ZC3H12B: variants seen among roughly 807,000 people sequenced by gnomAD.
ZC3H12B encodes probable ribonuclease ZC3H12B.
A neutral mutation model predicts 43.9 loss-of-function variants in ZC3H12B; 7 were observed. The observed-to-expected ratio is 0.16, with a 90% CI of 0.09 to 0.30. The LOEUF (loss-of-function observed/expected upper bound fraction) is 0.30, where lower values mean the gene tolerates loss of function less well. Among genes scored for constraint, ZC3H12B ranks in the 10% least tolerant of loss-of-function variants. The pLI is 1.00. For missense variants in ZC3H12B, 475 were observed against 670.2 expected, an observed-to-expected ratio of 0.71 and a Z score of 3.22; for synonymous variants, 222 against 241.7, an observed-to-expected ratio of 0.92 and a Z score of 0.76.
chrX:65,480,276 T>C (rs1285188092), intron 3 of ZC3H12B, among the ~76,000 whole-genome samples: 1 of 112,476 alleles, frequency 8.9e-6, no homozygotes. Flanking sequence ...TTACAGTACA[T>C]TGTTTTCACT....
At chrX:65,368,223 C>T (rs748181223) in intron 1 of ZC3H12B, among the ~76,000 whole-genome samples, 18 of 111,598 alleles carry the variant, frequency 1.6e-4, no homozygotes, top group Non-Finnish European at 3.0e-4. Flanking sequence ...AGTTTGTAAA[C>T]TGCAAATGTC....
At chrX:65,293,023 C>G in the ZC3H12B span, among the ~76,000 whole-genome samples, 1 of 112,042 alleles carries the variant, frequency 8.9e-6, no homozygotes, top group Non-Finnish European at 1.9e-5. Flanking sequence ...AAACATCATT[C>G]AAATACTTTG....
At chrX:65,329,688 A>G in the ZC3H12B span, among the ~76,000 whole-genome samples, 1 of 104,902 alleles carries the variant, frequency 9.5e-6, no homozygotes, top group Admixed American at 1.0e-4. Flanking sequence ...TTAAGGTCTA[A>G]CATTTAAGTC....
chrX:65,296,313 G>A, the ZC3H12B span, among the ~76,000 whole-genome samples: 3 of 110,987 alleles, frequency 2.7e-5, no homozygotes, highest in African/African-American at 9.8e-5. Flanking sequence ...CTATGAGGAA[G>A]CAAAGACATA....
the ZC3H12B span, among the ~76,000 whole-genome samples, chrX:65,111,004 G>A: frequency 2.7e-5 from 3 of 110,861 alleles, no homozygotes; most frequent in African/African-American, 6.5e-5. Context: ...ATTATAAATG[G>A]TATTGTATTT....
At chrX:65,119,112 G>A in the ZC3H12B span, among the ~76,000 whole-genome samples, 5 of 111,135 alleles carry the variant, frequency 4.5e-5, no homozygotes, top group Admixed American at 9.6e-5. Context: ...GTAAACATAC[G>A]TGTGCATGTG....
the ZC3H12B span, among the ~76,000 whole-genome samples, chrX:65,235,133 T>G: frequency 8.9e-6 from 1 of 111,965 alleles, no homozygotes; most frequent in Non-Finnish European, 1.9e-5. Flanking sequence ...TTTGTTTTTG[T>G]GAATAGTGCT....
At chrX:65,195,878 C>T in the ZC3H12B span, among the ~76,000 whole-genome samples, 1 of 112,184 alleles carries the variant, frequency 8.9e-6, no homozygotes, top group South Asian at 3.7e-4. Flanking sequence ...TTGCTTTAGG[C>T]CTGGAACCTG....
intron 3 of ZC3H12B, among the ~76,000 whole-genome samples, chrX:65,461,894 AT>A (rs1172888889): frequency 9.0e-6 from 1 of 110,788 alleles, no homozygotes; most frequent in Non-Finnish European, 1.9e-5. Flanking sequence ...ATAATTCAGG[AT>A]TTTAAAAAAA....
At chrX:65,256,787 G>A in the ZC3H12B span, among the ~76,000 whole-genome samples, 2 of 111,610 alleles carry the variant, frequency 1.8e-5, no homozygotes, top group East Asian at 2.8e-4. Context: ...TAGACTGCCA[G>A]CAAGGATATG....
chrX:65,229,879 G>T, the ZC3H12B span, among the ~76,000 whole-genome samples: 3 of 110,215 alleles, frequency 2.7e-5, no homozygotes, highest in Non-Finnish European at 5.7e-5. Flanking sequence ...AAAAAGTCAG[G>T]AAACAACAGG....
the ZC3H12B span, among the ~76,000 whole-genome samples, chrX:65,056,582 G>A: frequency 3.6e-5 from 4 of 111,860 alleles, no homozygotes; most frequent in African/African-American, 1.3e-4. Flanking sequence ...TTGGGGTGGA[G>A]AGTTCTGTAG....
chrX:65,406,592 C>CGGGGA (rs1569396807), intron 3 of ZC3H12B, among the ~76,000 whole-genome samples: 5,618 of 22,132 alleles, frequency 0.25, 860 homozygotes, highest in African/African-American at 0.53. Context: ...CTGGGCGGGG[C>CGGGGA]TGGGCGGGGC....
chrX:65,294,352 G>T, the ZC3H12B span, among the ~76,000 whole-genome samples: 1 of 111,486 alleles, frequency 9.0e-6, no homozygotes, highest in South Asian at 3.7e-4. Context: ...GTGATAAAAG[G>T]AGCTCTAAAT....
the ZC3H12B span, among the ~76,000 whole-genome samples, chrX:65,178,313 G>A: frequency 1.8e-5 from 2 of 111,988 alleles, no homozygotes; most frequent in Non-Finnish European, 3.8e-5. Context: ...AAATACCCTA[G>A]GGGAAAACCT....
At chrX:65,231,196 A>T in the ZC3H12B span, among the ~76,000 whole-genome samples, 2 of 111,125 alleles carry the variant, frequency 1.8e-5, no homozygotes, top group Non-Finnish European at 3.8e-5. Flanking sequence ...TAGGGATTTC[A>T]AAAGGGGAGG....
rs879024449 is a variant in ZC3H12B, at chrX:65,409,295, TA to T, written n.407+10599del. Among the ~76,000 whole-genome samples the T allele has an allele frequency of 4.6e-5, 5 of 108,823 alleles. No individual in the cohort carries two copies. The East Asian group carries it at 1.1e-3, about 25-fold the overall frequency. 94.5% of individuals were successfully genotyped at this position (108,823 alleles called of 115,157 possible). ...GCCATTTTTAAAACTGAAAAAAAAA[TA>T]AAAAAAATAAAAGCCATATATGACA... On this transcript the variant is annotated intron_variant and non_coding_transcript_variant, in intron 3 of 5. Transcript: ENST00000617377.
chrX:65,310,935 C>T, the ZC3H12B span, among the ~76,000 whole-genome samples: 1 of 112,096 alleles, frequency 8.9e-6, no homozygotes, highest in African/African-American at 3.2e-5. Context: ...GGAAAACTGG[C>T]TAGCCATATG....
At chrX:65,347,897 C>T in the ZC3H12B span, among the ~76,000 whole-genome samples, 3 of 112,088 alleles carry the variant, frequency 2.7e-5, no homozygotes, top group East Asian at 8.3e-4. Context: ...CATGGAATAC[C>T]ATGCAGCCAT....
Sources: gnomAD v4.1 joint callset for allele counts (sites outside exome capture counted in the v4.1 genomes callset) on GRCh38, gnomAD v4.1.1 for gene constraint, MANE v1.5 for transcripts, NCBI Gene and HGNC (gene_info 2026-07-23, HGNC 2026-07-21) for gene names.